The following CSF1R variants were observed in gnomAD, a reference collection of about 807,000 sequenced individuals.
The protein encoded by CSF1R is macrophage colony-stimulating factor 1 receptor.
Under a neutral mutation model 110.0 loss-of-function variants are expected in CSF1R, and 40 were observed. The ratio of observed to expected loss-of-function variants is 0.36; its 90% CI spans 0.28 to 0.47. The LOEUF (loss-of-function observed/expected upper bound fraction) is 0.47. Ranked by LOEUF, CSF1R falls within the 20% of genes least tolerant of loss-of-function variation. The pLI is 0.99. For synonymous variants in CSF1R, 523 were observed against 503.4 expected, an observed-to-expected ratio of 1.04 and a Z score of -0.52; for missense variants, 1,052 against 1,253.0, an observed-to-expected ratio of 0.84 and a Z score of 2.42.
intron 9 of CSF1R, 37 bp downstream of exon 9, chr5:150,069,836 G>C: frequency 8.8e-7 from 1 of 1,131,772 alleles, no homozygotes; most frequent in African/African-American, 1.8e-5. Flanking sequence ...CGGGGGGCGG[G>C]CGGGGGGGCG....
In CSF1R at chr5:150,059,720, G is replaced by A. The variant is rs147072380; in HGVS notation, c.2112C>T (p.Leu704=). ...GCTACCTGCGGACATATTTCTTCTCGAGGTGGATGTTCTTATAGTCGACGC... is the reference window on the plus strand; with the variant it reads ...GCTACCTGCGGACATATTTCTTCTCAAGGTGGATGTTCTTATAGTCGACGC... ...EGGVDYKNIH[L]EKKYVRRDSG... Residue 704 remains leucine (L), a synonymous_variant, in exon 14 of 21, where the codon CTC becomes CTT. Transcript: ENST00000675795. 2.0e-5 allele frequency: 32 copies of A among 1,613,828 alleles called. No individual in the cohort carries two copies. The highest frequency in any genetic ancestry group is 1.1e-4 in the African/African-American group (8 of 74,922).
chr5:150,063,999 G>C (rs1246447800), intron 10 of CSF1R, among the ~76,000 whole-genome samples: 1 of 152,198 alleles, frequency 6.6e-6, no homozygotes, highest in Admixed American at 6.5e-5. Flanking sequence ...CATGTCCTTT[G>C]CAGCAACGTG....
chr5:150,108,271 GC>G (rs1270595967), intron 1 of CSF1R, among the ~76,000 whole-genome samples: 2 of 152,198 alleles, frequency 1.3e-5, no homozygotes, highest in Non-Finnish European at 2.9e-5. Context: ...GGAGAAAGTA[GC>G]TTTTGCTGGG....
chr5:150,057,219 G>T (rs901739942), intron 16 of CSF1R, 68 bp downstream of exon 16: 2 of 1,391,224 alleles, frequency 1.4e-6, no homozygotes, highest in Non-Finnish European at 2.0e-6. Flanking sequence ...CCTCCCCATC[G>T]TCACTCATCC....
At chr5:150,094,817 C>G in intron 1 of CSF1R, 1 of 1,366,774 alleles carries the variant, frequency 7.3e-7, no homozygotes, top group East Asian at 2.3e-5. Context: ...TGACAGATAA[C>G]GCTTTGATTG....
intron 10 of CSF1R, among the ~76,000 whole-genome samples, chr5:150,066,462 A>C (rs1757776497): frequency 6.6e-6 from 1 of 152,148 alleles, no homozygotes. Flanking sequence ...GGCATGTCAG[A>C]GGAGGAGGGG....
chr5:150,065,336 G>A (rs1316643045), intron 10 of CSF1R, among the ~76,000 whole-genome samples: 1 of 152,168 alleles, frequency 6.6e-6, no homozygotes, highest in Non-Finnish European at 1.5e-5. Context: ...CAGAATCGTA[G>A]TCTTTCCAGC....
chr5:150,076,138 T>C (rs147263502), intron 5 of CSF1R, among the ~76,000 whole-genome samples: 203 of 152,226 alleles, frequency 1.3e-3, no homozygotes, highest in African/African-American at 4.7e-3. Context: ...CATCCTTATC[T>C]CCTTTCTCTT....
intron 1 of CSF1R, among the ~76,000 whole-genome samples, chr5:150,098,192 A>G (rs374275890): frequency 3.9e-5 from 6 of 152,096 alleles, no homozygotes; most frequent in African/African-American, 1.4e-4. Flanking sequence ...ACATGCAAAA[A>G]GAAAAAAATA....
At position 150,054,255 on chromosome 5, in the gene CSF1R, TCCAGATCCATCAGGC is replaced by T. The variant is rs1333587674; in HGVS notation, c.2764-46_2764-32del. 3.7e-6 allele frequency: 6 copies of T among 1,613,224 alleles called. No homozygotes were observed. In the African/African-American group the frequency reaches 8.0e-5, roughly 22 times the overall value. On this transcript the variant is annotated intron_variant, in intron 20 of 20. Coordinates refer to ENST00000675795, the MANE Select transcript of CSF1R (RefSeq NM_001288705.3). Reference sequence around the variant, plus strand: ...GGTGGGAGGGACCAGAAACTGTCAGTCCAGATCCATCAGGCCCAGCCCAACGTGCTTTACCGGCCA... The same window carrying T: ...GGTGGGAGGGACCAGAAACTGTCAGTCCAGCCCAACGTGCTTTACCGGCCA...
At chr5:150,063,611 C>T (rs1233202953) in intron 10 of CSF1R, among the ~76,000 whole-genome samples, 1 of 151,986 alleles carries the variant, frequency 6.6e-6, no homozygotes, top group African/African-American at 2.4e-5. Flanking sequence ...TCCTTAGGCT[C>T]TCCATGCTGT....
At chr5:150,080,739 C>T (rs1202553871) in intron 2 of CSF1R, 28 bp downstream of exon 2, 1 of 1,613,578 alleles carries the variant, frequency 6.2e-7, no homozygotes, top group Admixed American at 1.7e-5. Flanking sequence ...CGGGTCAGGC[C>T]TCTTGGGAGG....
At chr5:150,105,771 C>A (rs574752802) in intron 1 of CSF1R, among the ~76,000 whole-genome samples, 4 of 152,214 alleles carry the variant, frequency 2.6e-5, no homozygotes, top group Non-Finnish European at 5.9e-5. Flanking sequence ...AAGCGATCCT[C>A]CTGCCTTGGC....
intron 4 of CSF1R, among the ~76,000 whole-genome samples, chr5:150,077,798 T>G (rs1581318284): frequency 6.6e-6 from 1 of 152,206 alleles, no homozygotes; most frequent in African/African-American, 2.4e-5. Flanking sequence ...TAGGAAACCC[T>G]TGCTAAATCA....
At chr5:150,071,773 A>C (rs1036056622) in intron 6 of CSF1R, among the ~76,000 whole-genome samples, 1 of 152,076 alleles carries the variant, frequency 6.6e-6, no homozygotes, top group Non-Finnish European at 1.5e-5. Flanking sequence ...GCCCCCTCCA[A>C]AGGGCCTACA....
At chr5:150,054,468 C>G in intron 19 of CSF1R, 38 bp from the exon 20 acceptor site, 2 of 1,566,372 alleles carry the variant, frequency 1.3e-6, no homozygotes, top group South Asian at 1.2e-5. Context: ...GGGCAGCTCC[C>G]TAGGGTCCAG....
chr5:150,058,884 G>C (rs935030381), intron 14 of CSF1R, among the ~76,000 whole-genome samples: 2 of 152,146 alleles, frequency 1.3e-5, no homozygotes, highest in African/African-American at 4.8e-5. Context: ...TGGACTGGAA[G>C]TCAAGAGAGC....
rs367984340 is a variant in CSF1R, at chr5:150,056,225, C to T, written c.2436G>A (p.Lys812=). The T allele has an allele frequency of 5.3e-5, 86 of 1,614,114 alleles. No individual in the cohort carries two copies. In the South Asian group the frequency reaches 6.3e-4, roughly 12 times the overall value. The change falls in exon 17 of 21, where the codon AAG becomes AAA. Residue 812 remains lysine (K), a synonymous_variant. Transcript: ENST00000675795. The stretch of plus-strand genomic sequence containing the variant: ...AAGCCCTCCCAGCACTTACATTGCC[C>T]TTGACAATGTAGTTGGAGTCATTCA... ...DIMNDSNYIV[K]GNARLPVKWM...
At chr5:150,078,307 G>A in intron 3 of CSF1R, 59 bp from the exon 4 acceptor site, 3 of 1,594,440 alleles carry the variant, frequency 1.9e-6, no homozygotes, top group Non-Finnish European at 2.6e-6. Flanking sequence ...TAGAGATATT[G>A]CTCTCCTCCC....
Sources: gnomAD v4.1 joint callset for allele counts (sites outside exome capture counted in the v4.1 genomes callset) on GRCh38, gnomAD v4.1.1 for gene constraint, MANE v1.5 for transcripts, NCBI Gene and HGNC (gene_info 2026-07-23, HGNC 2026-07-21) for gene names.